ST6GALNAC6: variants seen among roughly 807,000 people sequenced by gnomAD.
ST6GALNAC6 encodes alpha-N-acetylgalactosaminide alpha-2,6-sialyltransferase 6.
In ST6GALNAC6, 19 loss-of-function variants were observed where a neutral mutation model predicts 34.3. The ratio of observed to expected loss-of-function variants is 0.55; its 90% CI spans 0.39 to 0.81. ST6GALNAC6 has a LOEUF of 0.81. Ranked by LOEUF, ST6GALNAC6 falls within the 40% of genes least tolerant of loss-of-function variation. ST6GALNAC6 has a pLI of 0.00. For missense variants in ST6GALNAC6, 377 were observed against 467.7 expected (o/e 0.81, Z 1.79); for synonymous variants, 185 against 182.1 (o/e 1.02, Z -0.13).
rs775534520 is a variant in ST6GALNAC6 at position 127,886,479 on chromosome 9, C to T, written c.*120G>A. 5.4e-6 allele frequency: 8 copies of T among 1,484,368 alleles called. No homozygotes were observed. The highest frequency in any genetic ancestry group is 2.4e-5 in the East Asian group (1 of 41,308). 91.9% of individuals were successfully genotyped at this position (1,484,368 alleles called of 1,614,324 possible). A position where few individuals can be genotyped will look rare whatever the true frequency, so the allele number is the denominator to read the frequency against. The stretch of plus-strand genomic sequence containing the variant: ...CTGGAGGATACATCCTCCTCAAGGC[C>T]CTGATTGGCTGGGAGACACTCCAGC... On this transcript the variant is annotated 3_prime_UTR_variant, in exon 7 of 7. Coordinates refer to ENST00000373146, the MANE Select transcript of ST6GALNAC6 (RefSeq NM_013443.5).
At chr9:127,889,440 TTTTC>T (rs1263807877) in intron 5 of ST6GALNAC6, among the ~76,000 whole-genome samples, 1 of 27,544 alleles carries the variant, frequency 3.6e-5, no homozygotes, top group Non-Finnish European at 8.2e-5. Flanking sequence ...TTTCTCTTTT[TTTTC>T]TTTTTTTTTT....
Position 127,886,788 on chromosome 9 carries a change from G to C in ST6GALNAC6, c.813C>G (p.Ser271Arg), listed in dbSNP as rs767068437. 1.9e-6 allele frequency: 3 copies of C among 1,603,100 alleles called. No individual in the cohort carries two copies. The African/African-American group carries it at 4.0e-5, about 21-fold the overall frequency. Residue 271 changes from serine to arginine, a missense_variant and splice_region_variant, in exon 7 of 7, where the codon AGC (serine) becomes AGG (arginine). Ser to Arg is a moderately radical substitution (Grantham distance 110). Coordinates refer to ENST00000373146, the MANE Select transcript of ST6GALNAC6 (RefSeq NM_013443.5). ...GCATGCGCTGGAGGCGGGGCCGCTG[G>C]CTGGGACAGAGCAGACGGGCGTCAT... The part of the protein sequence containing the change: ...VYGMVPPNYC[S>R]QRPRLQRMPY...
upstream of ST6GALNAC6, chr9:127,899,778 C>G: frequency 4.2e-6 from 2 of 479,474 alleles, no homozygotes. Flanking sequence ...GGTCACCCCA[C>G]TGGGCAGCCC....
chr9:127,900,914 G>A (rs1830730931), upstream of ST6GALNAC6, among the ~76,000 whole-genome samples: 2 of 147,852 alleles, frequency 1.4e-5, no homozygotes, highest in African/African-American at 5.1e-5. Flanking sequence ...AACCCAGGAG[G>A]CAGAGATTGC....
intron 4 of ST6GALNAC6, 126 bp from the exon 5 acceptor site, chr9:127,891,169 C>T (rs555894707): frequency 5.1e-6 from 6 of 1,180,556 alleles, no homozygotes; most frequent in South Asian, 4.6e-5. Context: ...TGAGCCCATT[C>T]ATTCCACATT....
At chr9:127,902,780 G>C (rs1830803191), upstream of ST6GALNAC6, among the ~76,000 whole-genome samples, 1 of 150,094 alleles carries the variant, frequency 6.7e-6, no homozygotes, top group Non-Finnish European at 1.5e-5. Flanking sequence ...TAGAAACGAG[G>C]TTTCACCATG....
chr9:127,889,435 CTTTTTTTTCTTTTTT>C, intron 5 of ST6GALNAC6, among the ~76,000 whole-genome samples: 1 of 37,050 alleles, frequency 2.7e-5, no homozygotes, highest in Non-Finnish European at 5.5e-5. Context: ...ATCAATTTCT[CTTTTTTTTCTTTTTT>C]TTTTTTTTCT....
Position 127,887,422 on chromosome 9 carries a change from G to A in ST6GALNAC6, c.812+62C>T, listed in dbSNP as rs550092171. On this transcript the variant is annotated intron_variant, in intron 6 of 6. Coordinates refer to ENST00000373146, the MANE Select transcript of ST6GALNAC6 (RefSeq NM_013443.5). ...TCAGCCAAGGTTTCCAGCCCCTAGAGCTCCATCCTGCGGCCAGTGCCTGGG... is the reference window on the plus strand; with the variant it reads ...TCAGCCAAGGTTTCCAGCCCCTAGAACTCCATCCTGCGGCCAGTGCCTGGG... The A allele has an allele frequency of 2.8e-6, 4 of 1,418,292 alleles. No individual in the cohort carries two copies. In the South Asian group the frequency reaches 4.8e-5, roughly 17 times the overall value. 87.9% of individuals were successfully genotyped at this position (1,418,292 alleles called of 1,614,324 possible).
chr9:127,888,910 T>C (rs1330151329), intron 5 of ST6GALNAC6, among the ~76,000 whole-genome samples: 3 of 152,142 alleles, frequency 2.0e-5, no homozygotes, highest in Non-Finnish European at 4.4e-5. Flanking sequence ...TCCAATACAA[T>C]TGAACATTGT....
chr9:127,896,863 C>T lies in ST6GALNAC6; in HGVS notation c.27-531G>A, dbSNP rs189026246. ...ATCCCCCCAGGCTAAGAGCTGCCTG[C>T]GGGATACAGCCCACCCAGGTCCTCA... On this transcript the variant is annotated intron_variant, in intron 2 of 6. Transcript: ENST00000373146. 6.3e-5 allele frequency: 62 copies of T among 985,272 alleles called. No homozygotes were observed. In the African/African-American group the frequency reaches 7.3e-4, roughly 12 times the overall value. 61.0% of individuals were successfully genotyped at this position (985,272 alleles called of 1,614,324 possible). A position where few individuals can be genotyped will look rare whatever the true frequency, so the allele number is the denominator to read the frequency against.
intron 1 of ST6GALNAC6, among the ~76,000 whole-genome samples, chr9:127,898,941 T>G (rs1830630258): frequency 6.6e-6 from 1 of 152,144 alleles, no homozygotes; most frequent in African/African-American, 2.4e-5. Context: ...GAGCATGGAC[T>G]CAGCCCAAGG....
At chr9:127,895,408 C>T (rs980669802) in intron 3 of ST6GALNAC6, among the ~76,000 whole-genome samples, 20 of 152,190 alleles carry the variant, frequency 1.3e-4, no homozygotes, top group African/African-American at 4.1e-4. Flanking sequence ...ACAGCTTCTC[C>T]GAAGTCCAGC....
chr9:127,893,509 A>G (rs1588645808), intron 4 of ST6GALNAC6, among the ~76,000 whole-genome samples: 1 of 151,556 alleles, frequency 6.6e-6, no homozygotes, highest in African/African-American at 2.4e-5. Flanking sequence ...CTCAAATACC[A>G]CCCTCCCCAA....
intron 2 of ST6GALNAC6, 146 bp downstream of exon 2, chr9:127,897,810 C>T (rs1830562704): frequency 6.5e-7 from 1 of 1,533,954 alleles, no homozygotes; most frequent in African/African-American, 1.4e-5. Flanking sequence ...CCCCTGCCCG[C>T]CGCCCACTTT....
At chr9:127,906,189 C>T (rs1830912231), upstream of ST6GALNAC6, among the ~76,000 whole-genome samples, 1 of 152,012 alleles carries the variant, frequency 6.6e-6, no homozygotes, top group South Asian at 2.1e-4. Flanking sequence ...CCCGGGACTA[C>T]TGGCTACATA....
upstream of ST6GALNAC6, among the ~76,000 whole-genome samples, chr9:127,900,837 A>C (rs1238323436): frequency 6.7e-6 from 1 of 148,364 alleles, no homozygotes; most frequent in Non-Finnish European, 1.5e-5. Flanking sequence ...TACACAAATT[A>C]GCGAGGCGTT....
In ST6GALNAC6 at chr9:127,886,713, G is replaced by C. The variant is rs756816304; in HGVS notation, c.888C>G (p.Ile296Met). Reference protein sequence around the residue: ...PKGPDECVTYIQNEHSRKGNH... With the variant: ...PKGPDECVTYMQNEHSRKGNH... Reference sequence around the variant, plus strand: ...TGCCCTTGCGACTGTGCTCATTCTGGATGTAGGTGACACATTCGTCCGGCC... The same window carrying C: ...TGCCCTTGCGACTGTGCTCATTCTGCATGTAGGTGACACATTCGTCCGGCC... The change falls in exon 7 of 7, where the codon ATC (isoleucine) becomes ATG (methionine). Residue 296 changes from isoleucine to methionine, a missense_variant. Physicochemically the swap from Ile to Met is conservative, Grantham distance 10. Transcript: ENST00000373146. 17 of 1,614,002 alleles carry C rather than the reference G, an allele frequency of 1.1e-5. No individual in the cohort carries two copies. The Middle Eastern group carries it at 4.9e-4, about 47-fold the overall frequency.
At chr9:127,903,913 G>A (rs537108561), upstream of ST6GALNAC6, 43 of 152,300 alleles carry the variant, frequency 2.8e-4, no homozygotes, top group African/African-American at 1.0e-3. Flanking sequence ...GTGAGAGGGT[G>A]CTTTGGCCCT....
At chr9:127,900,677 A>G (rs1009442244), upstream of ST6GALNAC6, among the ~76,000 whole-genome samples, 1 of 151,426 alleles carries the variant, frequency 6.6e-6, no homozygotes, top group African/African-American at 2.4e-5. Context: ...AAGAACTGCC[A>G]GCCAGGCCCA....
Sources: allele counts gnomAD v4.1 joint callset (sites outside exome capture counted in the v4.1 genomes callset), GRCh38; gene constraint gnomAD v4.1.1; transcripts MANE v1.5; gene names NCBI Gene and HGNC (gene_info 2026-07-23, HGNC 2026-07-21).